RSRC1: variants seen among roughly 807,000 people sequenced by gnomAD.
RSRC1 encodes arginine and serine rich coiled-coil 1, also known as serine/Arginine-related protein 53.
RSRC1 carries 39 observed loss-of-function variants against 49.1 expected under a neutral mutation model. The ratio of observed to expected loss-of-function variants is 0.79; its 90% CI spans 0.61 to 1.04. The LOEUF is 1.04. Among genes scored for constraint, RSRC1 ranks in the 50% least tolerant of loss-of-function variants. The pLI is 0.00. For missense variants in RSRC1, 388 were observed against 402.4 expected (o/e 0.96, Z 0.31); for synonymous variants, 143 against 130.8 (o/e 1.09, Z -0.63).
chr3:158,286,007 AC>A (rs1471094278), intron 4 of RSRC1, among the ~76,000 whole-genome samples: 2 of 152,206 alleles, frequency 1.3e-5, no homozygotes, highest in African/African-American at 4.8e-5. Flanking sequence ...ATAGATCTTT[AC>A]TGTGCACTAT....
intron 3 of RSRC1, chr3:158,132,349 A>G (rs901109224): frequency 1.3e-5 from 2 of 153,620 alleles, no homozygotes; most frequent in Non-Finnish European, 2.9e-5. Context: ...CTTCTAATTT[A>G]TCATATTTTA....
intron 6 of RSRC1, among the ~76,000 whole-genome samples, chr3:158,407,715 T>TA (rs949737480): frequency 2.0e-5 from 3 of 152,028 alleles, no homozygotes; most frequent in African/African-American, 2.4e-5. Context: ...TAGTTCTTTT[T>TA]AAAAAAAATA....
At chr3:158,497,924 A>G (rs764638955) in intron 7 of RSRC1, among the ~76,000 whole-genome samples, 9 of 152,090 alleles carry the variant, frequency 5.9e-5, no homozygotes, top group Non-Finnish European at 1.3e-4. Flanking sequence ...TCGTGTGTGT[A>G]TATATATACA....
intron 7 of RSRC1, among the ~76,000 whole-genome samples, chr3:158,479,379 G>A (rs1452376273): frequency 6.6e-6 from 1 of 151,690 alleles, no homozygotes; most frequent in Non-Finnish European, 1.5e-5. Context: ...CCAACCCATA[G>A]ATTGGAATTT....
chr3:158,503,536 A>G (rs1739709399), intron 7 of RSRC1, among the ~76,000 whole-genome samples: 1 of 152,120 alleles, frequency 6.6e-6, no homozygotes, highest in African/African-American at 2.4e-5. Context: ...GTCTGAGCTC[A>G]GACTCTCTTT....
At chr3:158,110,372 T>A (rs2108142925) in intron 1 of RSRC1, 149 bp downstream of exon 1, 1 of 152,648 alleles carries the variant, frequency 6.6e-6, no homozygotes, top group Non-Finnish European at 1.5e-5. Flanking sequence ...GTGCGCAGTG[T>A]CACCGTGCGC....
intron 4 of RSRC1, among the ~76,000 whole-genome samples, chr3:158,217,765 T>TGTGGGGG (rs112702432): frequency 7.1e-6 from 1 of 141,336 alleles, no homozygotes; most frequent in Admixed American, 7.1e-5. Context: ...TGTGTGTGTG[T>TGTGGGGG]GGGGGGGGAA....
chr3:158,319,387 A>G (rs1249076996), intron 5 of RSRC1, among the ~76,000 whole-genome samples: 1 of 152,172 alleles, frequency 6.6e-6, no homozygotes, highest in East Asian at 1.9e-4. Context: ...CTCCCCAGCC[A>G]TGCGGAACTG....
At chr3:158,344,426 G>A (rs926993384) in intron 5 of RSRC1, among the ~76,000 whole-genome samples, 2 of 152,060 alleles carry the variant, frequency 1.3e-5, no homozygotes, top group Non-Finnish European at 2.9e-5. Flanking sequence ...TTTTTCATTG[G>A]AAACAATGCA....
At chr3:158,443,343 A>T (rs1277076919) in intron 6 of RSRC1, among the ~76,000 whole-genome samples, 1 of 152,140 alleles carries the variant, frequency 6.6e-6, no homozygotes. Flanking sequence ...TTCATCAATG[A>T]TCTTAGCTAG....
chr3:158,342,935 A>T (rs143736813), intron 5 of RSRC1, among the ~76,000 whole-genome samples: 8 of 152,336 alleles, frequency 5.3e-5, no homozygotes, highest in Admixed American at 2.6e-4. Flanking sequence ...ACCCAGGCAG[A>T]GCCTAGTGGT....
intron 6 of RSRC1, among the ~76,000 whole-genome samples, chr3:158,383,658 G>A (rs6767494): frequency 0.31 from 47,153 of 151,958 alleles, 7,784 homozygotes; most frequent in African/African-American, 0.42. Flanking sequence ...GGGGAGGGGT[G>A]TAATAAGTAG....
chr3:158,440,279 G>A (rs1182876738), intron 6 of RSRC1, among the ~76,000 whole-genome samples: 1 of 151,990 alleles, frequency 6.6e-6, no homozygotes, highest in Non-Finnish European at 1.5e-5. Flanking sequence ...GATCTCGTAG[G>A]TCATGCTAAG....
intron 4 of RSRC1, among the ~76,000 whole-genome samples, chr3:158,220,638 G>A (rs1349221951): frequency 6.6e-6 from 1 of 151,484 alleles, no homozygotes; most frequent in African/African-American, 2.4e-5. Flanking sequence ...GACTATGAAG[G>A]ATACTTTTTC....
At chr3:158,292,439 A>G (rs560713196) in intron 4 of RSRC1, among the ~76,000 whole-genome samples, 19 of 152,184 alleles carry the variant, frequency 1.2e-4, no homozygotes, top group South Asian at 1.0e-3. Context: ...GACCTGCTGT[A>G]CTCCTGTGTG....
chr3:158,159,453 C>T (rs780097218), intron 3 of RSRC1, among the ~76,000 whole-genome samples: 1 of 152,128 alleles, frequency 6.6e-6, no homozygotes. Context: ...CTTTCACATG[C>T]ATTTTTTGTT....
At chr3:158,128,461 A>G (rs1314111604) in intron 3 of RSRC1, among the ~76,000 whole-genome samples, 1 of 152,042 alleles carries the variant, frequency 6.6e-6, no homozygotes, top group East Asian at 1.9e-4. Context: ...GATTTCCTAT[A>G]CTGCCATCTT....
intron 3 of RSRC1, among the ~76,000 whole-genome samples, chr3:158,137,851 G>A (rs370524768): frequency 7.2e-5 from 11 of 151,972 alleles, no homozygotes; most frequent in African/African-American, 1.7e-4. Context: ...ACAGGGTTTC[G>A]CCATGTTGGC....
chr3:158,417,676 T>G (rs930743733), intron 6 of RSRC1, among the ~76,000 whole-genome samples: 4 of 151,822 alleles, frequency 2.6e-5, no homozygotes, highest in African/African-American at 4.8e-5. Flanking sequence ...CTTTAATTCA[T>G]TTGATCTTCA....
Sources: allele counts gnomAD v4.1 joint callset (sites outside exome capture counted in the v4.1 genomes callset), GRCh38; gene constraint gnomAD v4.1.1; transcripts MANE v1.5; gene names NCBI Gene and HGNC (gene_info 2026-07-23, HGNC 2026-07-21).